PDE6A: variants seen among roughly 807,000 people sequenced by gnomAD.
PDE6A encodes phosphodiesterase 6A.
In PDE6A, 84 loss-of-function variants were observed where a neutral mutation model predicts 106.3. The observed-to-expected ratio is 0.79, with a 90% confidence interval of 0.66 to 0.95. The LOEUF is 0.95. Ranked by LOEUF, PDE6A falls within the 40% of genes least tolerant of loss-of-function variation. The pLI, the probability that PDE6A is intolerant of heterozygous loss-of-function variation, is 0.00. For missense variants in PDE6A, 1,052 were observed against 1,084.9 expected (o/e 0.97, Z 0.43); for synonymous variants, 394 against 386.6 (o/e 1.02, Z -0.23).
intron 3 of PDE6A, chr5:149,931,924 C>A (rs770531785): frequency 1.1e-6 from 1 of 892,088 alleles, no homozygotes; most frequent in Non-Finnish European, 1.8e-6. Context: ...AAATGGCGTA[C>A]AATGAAGAGA....
intron 1 of PDE6A, chr5:149,939,911 C>T (rs1754282509): frequency 6.6e-6 from 1 of 150,726 alleles, no homozygotes; most frequent in African/African-American, 2.4e-5. Flanking sequence ...TCTGTAACGA[C>T]TCCCTGGCTG....
chr5:149,936,672 A>G (rs1754195177), intron 1 of PDE6A, among the ~76,000 whole-genome samples: 1 of 152,170 alleles, frequency 6.6e-6, no homozygotes, highest in African/African-American at 2.4e-5. Flanking sequence ...TCATCCCTAT[A>G]TATTCAGCAT....
intron 18 of PDE6A, 127 bp from the exon 19 acceptor site, chr5:149,867,926 A>C: frequency 8.9e-7 from 1 of 1,124,780 alleles, no homozygotes; most frequent in Non-Finnish European, 1.3e-6. Flanking sequence ...TGCCACCCTC[A>C]CTTTTGCTGT....
intron 19 of PDE6A, 195 bp downstream of exon 19, chr5:149,867,530 T>C (rs987141048): frequency 9.1e-5 from 60 of 656,034 alleles, no homozygotes; most frequent in Non-Finnish European, 1.6e-4. Context: ...GTGAGGCTTG[T>C]GAATATACAT....
intron 4 of PDE6A, among the ~76,000 whole-genome samples, chr5:149,926,979 C>CAAAAA (rs539891462): frequency 2.8e-5 from 2 of 70,464 alleles, no homozygotes; most frequent in South Asian, 5.1e-4. Context: ...ACTCCGTCTC[C>CAAAAA]AAAAAAAAAA....
In PDE6A at chr5:149,860,581, G is replaced by A. The variant is rs548574020; in HGVS notation, c.*314C>T. ...GGCCCGTGGGCCACATGCAGCCCAG[G>A]ACGGCTTTGAATGCGGCCCAACACA... On this transcript the variant is annotated 3_prime_UTR_variant, in exon 22 of 22. Coordinates refer to ENST00000255266, the MANE Select transcript of PDE6A (RefSeq NM_000440.3). The A allele has an allele frequency of 2.6e-4, 73 of 285,052 alleles. No individual in the cohort carries two copies. The highest frequency in any genetic ancestry group is 1.1e-3 in the Middle Eastern group (1 of 872). The allele number at this position is 285,052 out of a possible 1,614,324, so 17.7% of individuals were successfully genotyped here.
intron 20 of PDE6A, 99 bp downstream of exon 20, chr5:149,866,071 C>A: frequency 1.2e-6 from 1 of 833,736 alleles, no homozygotes; most frequent in Non-Finnish European, 2.1e-6. Flanking sequence ...AAAGTATCAC[C>A]CACTGGTCAC....
intron 1 of PDE6A, among the ~76,000 whole-genome samples, chr5:149,939,739 G>C (rs1754277814): frequency 6.6e-6 from 1 of 152,192 alleles, no homozygotes; most frequent in Admixed American, 6.5e-5. Context: ...TTCTTTGAAA[G>C]TGACAGAGTC....
chr5:149,932,138 T>C, intron 3 of PDE6A: 2 of 1,239,668 alleles, frequency 1.6e-6, no homozygotes, highest in Non-Finnish European at 2.4e-6. Flanking sequence ...TTAGTTTGAT[T>C]ATCTGTCGTC....
intron 10 of PDE6A, 69 bp downstream of exon 10, chr5:149,898,294 C>G: frequency 6.6e-7 from 1 of 1,509,488 alleles, no homozygotes; most frequent in South Asian, 1.1e-5. Context: ...GCAAGTTTTG[C>G]CTTAATCTGG....
Position 149,898,485 on chromosome 5 carries a change from A to G in PDE6A, c.1285T>C (p.Trp429Arg). 6 of 1,613,788 alleles carry G rather than the reference A, an allele frequency of 3.7e-6. No individual in the cohort carries two copies. Among genetic ancestry groups the G allele is most frequent in the Non-Finnish European group, 5.1e-6 (6 of 1,179,962 alleles). The change falls in exon 10 of 22, where the codon TGG (tryptophan) becomes CGG (arginine). Residue 429 changes from tryptophan to arginine, a missense_variant. This residue lies in a region of PDE6A where 913 missense variants were observed against 915.2 expected (regional missense o/e 1.00). Transcript: ENST00000255266. ...TAGGTGTCAGGATTTAAGACAGACC[A>G]GCCCAGAAATTGAGTCAAAGACTGA... ...LMESLTQFLG[W>R]SVLNPDTYES...
At chr5:149,909,570 C>A (rs1362557548) in intron 6 of PDE6A, among the ~76,000 whole-genome samples, 1 of 152,148 alleles carries the variant, frequency 6.6e-6, no homozygotes, top group East Asian at 1.9e-4. Flanking sequence ...TGTAAATAAA[C>A]CCTCACCGAA....
chr5:149,944,114 G>A, intron 1 of PDE6A, 86 bp downstream of exon 1: 1 of 932,680 alleles, frequency 1.1e-6, no homozygotes, highest in Non-Finnish European at 1.8e-6. Context: ...GCCTTGTCTT[G>A]GTGGCCAATG....
chr5:149,882,826 G>C (rs1760976984), intron 17 of PDE6A, among the ~76,000 whole-genome samples: 2 of 152,172 alleles, frequency 1.3e-5, no homozygotes, highest in African/African-American at 4.8e-5. Context: ...GAGAGACAGA[G>C]GTGGGTGTAT....
chr5:149,935,976 A>G, intron 1 of PDE6A, among the ~76,000 whole-genome samples: 1 of 152,158 alleles, frequency 6.6e-6, no homozygotes, highest in East Asian at 1.9e-4. Context: ...ACATAGCAAT[A>G]TCTTGTATCT....
chr5:149,895,276 GA>G lies in PDE6A; in HGVS notation c.1634del (p.Phe545SerfsTer5). ...FHIPQEALVR[F>X]MYSLSKGYRK... ...GGTAGCCCTTACTCAGGGAGTACATGAACCGCACCAGGGCCTGTGAACACAT... is the reference window on the plus strand; with the variant it reads ...GGTAGCCCTTACTCAGGGAGTACATGACCGCACCAGGGCCTGTGAACACAT... On this transcript the variant is annotated frameshift_variant, in exon 13 of 22. Transcript: ENST00000255266. LOFTEE classifies it high-confidence loss of function. 2.5e-6 allele frequency: 4 copies of G among 1,612,802 alleles called. No homozygotes were observed. The highest frequency in any genetic ancestry group is 3.4e-6 in the Non-Finnish European group (4 of 1,178,810).
intron 8 of PDE6A, among the ~76,000 whole-genome samples, chr5:149,900,349 G>A (rs1474209126): frequency 1.0e-5 from 1 of 98,394 alleles, no homozygotes; most frequent in African/African-American, 3.4e-5. Context: ...GCAACAGACA[G>A]AGACTCCATC....
chr5:149,919,001 T>G (rs912928963), intron 5 of PDE6A, among the ~76,000 whole-genome samples: 1 of 152,094 alleles, frequency 6.6e-6, no homozygotes, highest in East Asian at 1.9e-4. Context: ...GGTGGCTGCT[T>G]TCTAGAACAC....
At chr5:149,880,428 C>T (rs1581162175) in intron 17 of PDE6A, among the ~76,000 whole-genome samples, 1 of 152,052 alleles carries the variant, frequency 6.6e-6, no homozygotes, top group East Asian at 1.9e-4. Context: ...AAACAGAAGT[C>T]AGCTGGGGGT....
Sources: gnomAD v4.1 joint callset for allele counts (sites outside exome capture counted in the v4.1 genomes callset) on GRCh38, gnomAD v4.1.1 for gene constraint, gnomAD v4.1.1 regional missense constraint, MANE v1.5 for transcripts, NCBI Gene and HGNC (gene_info 2026-07-23, HGNC 2026-07-21) for gene names.